The following DST variants were observed in gnomAD, a reference collection of about 807,000 sequenced individuals.
DST encodes the protein dystonin.
DST carries 253 observed loss-of-function variants against 875.2 expected under a neutral mutation model. The ratio of observed to expected loss-of-function variants is 0.29; its 90% CI spans 0.26 to 0.32. The LOEUF is 0.32. Among genes scored for constraint, DST ranks in the 10% least tolerant of loss-of-function variants. DST has a pLI of 1.00. For synonymous variants in DST, 3,124 were observed against 3,197.1 expected, an observed-to-expected ratio of 0.98 and a Z score of 0.77; for missense variants, 8,287 against 9,111.6, an observed-to-expected ratio of 0.91 and a Z score of 3.68.
Position 56,618,254 on chromosome 6 carries a change from T to C in DST, c.4930-3770A>G, listed in dbSNP as rs12209266. ...TTTGGGTATCTGTTCAACAACCCGA[T>C]GCTGCCACTTCTCTTCCAATGGCTG... On this transcript the variant is annotated intron_variant, in intron 36 of 103. Coordinates refer to ENST00000680361, the MANE Select transcript of DST (RefSeq NM_001374736.1). The C allele has an allele frequency of 6.0e-3, 9,638 of 1,614,150 alleles. 53 individuals carry two copies. The highest frequency in any genetic ancestry group is 7.3e-3 in the Non-Finnish European group (8,642 of 1,180,014).
At chr6:56,621,001 G>T (rs2098686821) in intron 36 of DST, among the ~76,000 whole-genome samples, 1 of 152,182 alleles carries the variant, frequency 6.6e-6, no homozygotes, top group Admixed American at 6.5e-5. Context: ...AGCAAGAAGG[G>T]AATTTACAAC....
chr6:56,625,804 A>G (rs572657949), intron 34 of DST, among the ~76,000 whole-genome samples: 1 of 152,078 alleles, frequency 6.6e-6, no homozygotes, highest in East Asian at 1.9e-4. Context: ...TTCCAGAAAA[A>G]GGCATTGTTA....
intron 49 of DST, among the ~76,000 whole-genome samples, chr6:56,586,433 G>C (rs1332882758): frequency 6.7e-6 from 1 of 150,202 alleles, no homozygotes; most frequent in Non-Finnish European, 1.5e-5. Flanking sequence ...GCCTTTTTTT[G>C]TTTTCCATTT....
chr6:56,632,744 C>T, intron 28 of DST, 110 bp downstream of exon 28: 1 of 857,472 alleles, frequency 1.2e-6, no homozygotes, highest in Non-Finnish European at 1.9e-6. Context: ...GTCTACATAT[C>T]ATAGGCTGGG....
Position 56,942,781 on chromosome 6 carries a change from T to C in DST, c.216+11004A>G, listed in dbSNP as rs116092215. Among the ~76,000 whole-genome samples the C allele has an allele frequency of 9.6e-3, 1,383 of 144,460 alleles. 23 individuals carry two copies. The highest frequency in any genetic ancestry group is 0.033 in the African/African-American group (1,295 of 39,238). The allele number at this position is 144,460 out of a possible 152,430, so 94.8% of individuals were successfully genotyped here. A position where few individuals can be genotyped will look rare whatever the true frequency, so the allele number is the denominator to read the frequency against. ...CCCAGGCTAGAGTGCAGTGGTATGA[T>C]CACGGCTCACTGTAGCTTCGAACTC... is the stretch of plus-strand genomic sequence containing the variant. On this transcript the variant is annotated intron_variant, in intron 2 of 103. Coordinates refer to ENST00000680361, the MANE Select transcript of DST (RefSeq NM_001374736.1).
Position 56,611,225 on chromosome 6 carries a change from G to A in DST, c.5147+283C>T, listed in dbSNP as rs9370544. Among the ~76,000 whole-genome samples, 45,953 of 151,864 alleles carry A rather than the reference G, an allele frequency of 0.3. 7,858 individuals are homozygous for A. The highest frequency in any genetic ancestry group is 0.39 in the Admixed American group (5,970 of 15,248). On this transcript the variant is annotated intron_variant, in intron 38 of 103. Transcript: ENST00000680361. ...ACTACTTAGATTTAAGACTTGACTC[G>A]GAGTCTGCACTCTACCTCTCACTTG...
At chr6:56,829,041 G>A (rs959959327) in intron 4 of DST, among the ~76,000 whole-genome samples, 1 of 152,152 alleles carries the variant, frequency 6.6e-6, no homozygotes, top group Admixed American at 6.5e-5. Flanking sequence ...CTTGGAGAAA[G>A]AAATGGCCAA....
In DST at chr6:56,473,987, T is replaced by C. The variant is rs1485618491; in HGVS notation, c.21880A>G (p.Met7294Val). Reference sequence around the variant, plus strand: ...TCAACATCAGGCTGTTTTCTGGTCATTTCCTCCATGAAGGTCTGAAATGAA... The same window carrying C: ...TCAACATCAGGCTGTTTTCTGGTCACTTCCTCCATGAAGGTCTGAAATGAA... ...IAEHQTFMEEMTRKQPDVDKV... is the reference protein window; with the variant it reads ...IAEHQTFMEEVTRKQPDVDKV... Residue 7294 changes from methionine to valine, a missense_variant, in exon 93 of 104, where the codon ATG becomes GTG. Physicochemically the swap from Met to Val is conservative, Grantham distance 21. Coordinates refer to ENST00000680361, the MANE Select transcript of DST (RefSeq NM_001374736.1). 5.7e-6 allele frequency: 9 copies of C among 1,578,406 alleles called. No individual in the cohort carries two copies. The highest frequency in any genetic ancestry group is 7.8e-6 in the Non-Finnish European group (9 of 1,159,820).
chr6:56,506,416 C>A (rs770757360), intron 77 of DST, 27 bp downstream of exon 77: 3 of 1,568,242 alleles, frequency 1.9e-6, no homozygotes, highest in Non-Finnish European at 2.6e-6. Flanking sequence ...CCAGCTAAGA[C>A]CAGCACATAC....
At chr6:56,827,331 T>C (rs1164600302) in intron 4 of DST, among the ~76,000 whole-genome samples, 2 of 151,922 alleles carry the variant, frequency 1.3e-5, no homozygotes, top group African/African-American at 4.8e-5. Flanking sequence ...CTGACCAACA[T>C]GGTGAAACCC....
At chr6:56,741,039 T>A (rs575840488) in intron 4 of DST, among the ~76,000 whole-genome samples, 21 of 152,284 alleles carry the variant, frequency 1.4e-4, no homozygotes, top group Middle Eastern at 3.4e-3. Context: ...ACAAAATAGA[T>A]TTCTTCTTTT....
At chr6:56,743,711 G>A (rs1011152661) in intron 4 of DST, among the ~76,000 whole-genome samples, 2 of 152,092 alleles carry the variant, frequency 1.3e-5, no homozygotes, top group African/African-American at 2.4e-5. Flanking sequence ...TACAGATGAA[G>A]AAACTGAGGC....
intron 4 of DST, among the ~76,000 whole-genome samples, chr6:56,835,026 T>C (rs1416823068): frequency 6.6e-6 from 1 of 152,202 alleles, no homozygotes; most frequent in Non-Finnish European, 1.5e-5. Context: ...AGATGAGCTA[T>C]CAAGCTATGA....
intron 3 of DST, among the ~76,000 whole-genome samples, chr6:56,890,495 C>A (rs908133211): frequency 6.6e-6 from 1 of 152,024 alleles, no homozygotes; most frequent in Admixed American, 6.5e-5. Flanking sequence ...CAGTATAAAT[C>A]CAAATACATA....
intron 4 of DST, among the ~76,000 whole-genome samples, chr6:56,810,442 A>G (rs1235933059): frequency 6.6e-6 from 1 of 152,190 alleles, no homozygotes; most frequent in Non-Finnish European, 1.5e-5. Context: ...CTGAATTCTA[A>G]GGAGTTTCTT....
At chr6:56,586,547 T>A (rs2098154144) in intron 49 of DST, among the ~76,000 whole-genome samples, 1 of 152,092 alleles carries the variant, frequency 6.6e-6, no homozygotes. Flanking sequence ...TGACTCTTGA[T>A]CCAATTTGCC....
At chr6:56,682,086 T>G (rs116657958) in intron 9 of DST, among the ~76,000 whole-genome samples, 2,318 of 152,324 alleles carry the variant, frequency 0.015, 57 homozygotes, top group African/African-American at 0.052. Flanking sequence ...GAGGTCAACA[T>G]GCCTACATAA....
rs149337376 is a variant in DST, at chr6:56,477,136, G to A, written c.21675+209C>T. Among the ~76,000 whole-genome samples, 102 of 152,252 alleles carry A rather than the reference G, an allele frequency of 6.7e-4. 2 individuals carry two copies. Among genetic ancestry groups the A allele is most frequent in the African/African-American group, 2.4e-3 (99 of 41,556 alleles). On this transcript the variant is annotated intron_variant, in intron 91 of 103. Coordinates refer to ENST00000680361, the MANE Select transcript of DST (RefSeq NM_001374736.1). The stretch of plus-strand genomic sequence containing the variant: ...TAAATATTTGCCTTCTAATTTTCCA[G>A]GGACATAGCTGCAAAATTTCTTTGA...
chr6:56,555,213 C>T, intron 60 of DST, 132 bp downstream of exon 60: 1 of 969,372 alleles, frequency 1.0e-6, no homozygotes, highest in African/African-American at 1.6e-5. Flanking sequence ...CTGTATTCAT[C>T]CTCCTCTTCA....
Sources: allele counts gnomAD v4.1 joint callset (sites outside exome capture counted in the v4.1 genomes callset), GRCh38; gene constraint gnomAD v4.1.1; transcripts MANE v1.5; gene names NCBI Gene and HGNC (gene_info 2026-07-23, HGNC 2026-07-21).